NUP93: variants seen among roughly 807,000 people sequenced by gnomAD.
The protein encoded by NUP93 is nuclear pore complex protein Nup93.
A neutral mutation model predicts 107.8 loss-of-function variants in NUP93; 55 were observed. The observed-to-expected ratio is 0.51, with a 90% CI of 0.41 to 0.64. The LOEUF (loss-of-function observed/expected upper bound fraction) is 0.64. NUP93 is among the 30% of genes least tolerant of loss of function. The probability of loss-of-function intolerance (pLI) is 0.00; values close to 1 mark genes in which losing one functional copy is unlikely to be tolerated. For missense variants in NUP93, 937 were observed against 1,044.7 expected (o/e 0.90, Z 1.42); for synonymous variants, 390 against 397.5 (o/e 0.98, Z 0.22).
In NUP93 at chr16:56,805,493, C is replaced by CT; in HGVS notation, c.361-8dup. On this transcript the variant is annotated splice_polypyrimidine_tract_variant and intron_variant, in intron 4 of 21. Coordinates refer to ENST00000308159, the MANE Select transcript of NUP93 (RefSeq NM_014669.5). ...TCCTGAGGGTCATTGTTCTCTGTTC[C>CT]TTTCTGGCAGACCTTCGGCATGGCT... 1 of 1,613,468 alleles carries CT rather than the reference C, an allele frequency of 6.2e-7. No homozygotes were observed. The highest frequency in any genetic ancestry group is 8.5e-7 in the Non-Finnish European group (1 of 1,179,650).
intron 1 of NUP93, among the ~76,000 whole-genome samples, chr16:56,740,560 G>A (rs1350333633): frequency 2.7e-5 from 4 of 150,818 alleles, no homozygotes; most frequent in Non-Finnish European, 3.0e-5. Flanking sequence ...CCAGGCAGAG[G>A]GGCTCCTCAC....
chr16:56,834,500 C>A, intron 15 of NUP93, 58 bp downstream of exon 15: 1 of 1,552,512 alleles, frequency 6.4e-7, no homozygotes, highest in South Asian at 1.1e-5. Flanking sequence ...GTCCCATGCT[C>A]ATTCCGTATT....
At chr16:56,808,906 C>T (rs1204646883) in intron 5 of NUP93, among the ~76,000 whole-genome samples, 1 of 150,678 alleles carries the variant, frequency 6.6e-6, no homozygotes, top group Non-Finnish European at 1.5e-5. Flanking sequence ...TCCCCAAATA[C>T]CCTATTCTCT....
chr16:56,790,626 G>T (rs1962739636), intron 3 of NUP93, among the ~76,000 whole-genome samples: 1 of 152,178 alleles, frequency 6.6e-6, no homozygotes, highest in African/African-American at 2.4e-5. Flanking sequence ...GTTTTTAGAA[G>T]AGGTCATTCA....
intron 1 of NUP93, 165 bp from the exon 2 acceptor site, chr16:56,748,069 C>G (rs1285463497): frequency 2.0e-6 from 1 of 493,826 alleles, no homozygotes; most frequent in East Asian, 3.1e-5. Flanking sequence ...TCTGTCAGGC[C>G]TGTTCTTGGG....
rs371342783 is a variant in NUP93, at chr16:56,765,472, A to G, written c.297+6817A>G. Among the ~76,000 whole-genome samples the G allele has an allele frequency of 4.2e-4, 64 of 152,332 alleles. No homozygotes were observed. In the South Asian group the frequency reaches 0.013, roughly 31 times the overall value. ...AATGCTCCTGGGCTCAGTAGGAGTG[A>G]TGAATCTGATTATCACCAGATCCAA... On this transcript the variant is annotated intron_variant, in intron 3 of 21. Transcript: ENST00000308159.
chr16:56,779,421 T>C (rs1962472759), intron 3 of NUP93, among the ~76,000 whole-genome samples: 1 of 152,190 alleles, frequency 6.6e-6, no homozygotes, highest in Admixed American at 6.5e-5. Flanking sequence ...GTTTTTGGTG[T>C]CTAGGGTTAT....
intron 3 of NUP93, among the ~76,000 whole-genome samples, chr16:56,771,001 G>A (rs1962311522): frequency 6.6e-6 from 1 of 152,082 alleles, no homozygotes; most frequent in Non-Finnish European, 1.5e-5. Flanking sequence ...TTCTGTAACG[G>A]AAAAGCTTCC....
intron 5 of NUP93, among the ~76,000 whole-genome samples, chr16:56,815,480 G>A (rs1303746747): frequency 6.6e-6 from 1 of 152,208 alleles, no homozygotes; most frequent in Non-Finnish European, 1.5e-5. Context: ...GTAGAAAAAT[G>A]AAATGAGACT....
chr16:56,836,367 T>C (rs560287659), intron 16 of NUP93, among the ~76,000 whole-genome samples: 2 of 152,360 alleles, frequency 1.3e-5, no homozygotes, highest in African/African-American at 4.8e-5. Flanking sequence ...GACTCCTCTG[T>C]GCTTCTAGTA....
At chr16:56,760,679 T>C (rs1409053393) in intron 3 of NUP93, among the ~76,000 whole-genome samples, 19 of 152,166 alleles carry the variant, frequency 1.2e-4, no homozygotes, top group Admixed American at 1.2e-3. Context: ...AAATCTGCTC[T>C]CATGATCCAG....
In NUP93 at chr16:56,834,749, G is replaced by T. The variant is rs1747819094; in HGVS notation, c.1753G>T (p.Gly585Trp). 2 of 1,612,240 alleles carry T rather than the reference G, an allele frequency of 1.2e-6. No individual in the cohort carries two copies. Among genetic ancestry groups the T allele is most frequent in the Non-Finnish European group, 8.5e-7 (1 of 1,178,656 alleles). ...IESREFDMIL[G>W]KLENDGSRKP... ...CCTTCCACAGTTCGATATGATTCTTGGGAAACTAGAGAATGACGGAAGTAG... is the reference window on the plus strand; with the variant it reads ...CCTTCCACAGTTCGATATGATTCTTTGGAAACTAGAGAATGACGGAAGTAG... Residue 585 changes from glycine (G) to tryptophan (W), a missense_variant, in exon 16 of 22, where the codon GGG becomes TGG. Physicochemically the swap from Gly to Trp is radical, Grantham distance 184. Transcript: ENST00000308159.
Position 56,833,370 on chromosome 16 carries a change from C to A in NUP93, c.1501C>A (p.Leu501Met). The change falls in exon 13 of 22, where the codon CTG (leucine) becomes ATG (methionine). Residue 501 changes from leucine (L) to methionine (M), a missense_variant. Transcript: ENST00000308159. ...AGCACTGGTGCTGTTTGAGCTGAAG[C>A]TGCTTTTAAAGTCCTCTGGACAGAG... is the stretch of plus-strand genomic sequence containing the variant. ...HVALVLFELK[L>M]LLKSSGQSAQ... 1 of 1,578,910 alleles carries A rather than the reference C, an allele frequency of 6.3e-7. No homozygotes were observed. The highest frequency in any genetic ancestry group is 1.2e-5 in the South Asian group (1 of 84,532).
chr16:56,777,581 T>G (rs1192641887), intron 3 of NUP93, among the ~76,000 whole-genome samples: 1 of 152,216 alleles, frequency 6.6e-6, no homozygotes, highest in Non-Finnish European at 1.5e-5. Context: ...TGCAATAAAT[T>G]AGCAGAATTG....
chr16:56,842,690 C>CGCACCACCAAG, intron 21 of NUP93: 1 of 436,452 alleles, frequency 2.3e-6, no homozygotes, highest in South Asian at 1.7e-5. Context: ...GTAGCTGGGA[C>CGCACCACCAAG]TACAGGTACG....
chr16:56,769,474 C>T (rs1962280653), intron 3 of NUP93, among the ~76,000 whole-genome samples: 1 of 152,176 alleles, frequency 6.6e-6, no homozygotes, highest in Non-Finnish European at 1.5e-5. Flanking sequence ...AAACCTGCTT[C>T]ATCCGTTTAT....
intron 1 of NUP93, among the ~76,000 whole-genome samples, chr16:56,735,626 C>G (rs753270071): frequency 1.6e-4 from 25 of 152,194 alleles, no homozygotes; most frequent in Admixed American, 1.3e-3. Context: ...GAGCGGATCA[C>G]TTGAGGTCAG....
Position 56,845,149 on chromosome 16 carries a change from A to C in NUP93, c.*540A>C, listed in dbSNP as rs1321908838. ...CCAGATGGTCCAAGACCATCCCCCA[A>C]ATCATCAGCTCTGATTGCAGGATTC... On this transcript the variant is annotated 3_prime_UTR_variant, in exon 22 of 22. Transcript: ENST00000308159. 1 of 185,958 alleles carries C rather than the reference A, an allele frequency of 5.4e-6. No individual in the cohort carries two copies. Among genetic ancestry groups the C allele is most frequent in the Non-Finnish European group, 1.1e-5 (1 of 88,236 alleles). The allele number at this position is 185,958 out of a possible 1,614,324, so 11.5% of individuals were successfully genotyped here.
intron 2 of NUP93, among the ~76,000 whole-genome samples, chr16:56,749,784 G>A (rs1432958231): frequency 6.6e-6 from 1 of 152,190 alleles, no homozygotes; most frequent in Non-Finnish European, 1.5e-5. Flanking sequence ...TAACTAGTTG[G>A]TTTTGGTTCT....
Sources: allele counts gnomAD v4.1 joint callset (sites outside exome capture counted in the v4.1 genomes callset), GRCh38; gene constraint gnomAD v4.1.1; transcripts MANE v1.5; gene names NCBI Gene and HGNC (gene_info 2026-07-23, HGNC 2026-07-21).